Variants in RASSF6 observed in about 807,000 individuals in gnomAD.
RASSF6 encodes ras association domain-containing protein 6.
In RASSF6, 52 loss-of-function variants were observed where a neutral mutation model predicts 44.0. The ratio of observed to expected loss-of-function variants is 1.18; its 90% CI spans 0.95 to 1.49. RASSF6 has a LOEUF of 1.49. Among genes scored for constraint, RASSF6 ranks in the 40% most tolerant of loss-of-function variants. The pLI is 0.00. For synonymous variants in RASSF6, 162 were observed against 124.6 expected, an observed-to-expected ratio of 1.30 and a Z score of -2.00; for missense variants, 464 against 393.3, an observed-to-expected ratio of 1.18 and a Z score of -1.52.
chr4:73,590,408 C>A (rs564947343), intron 4 of RASSF6, among the ~76,000 whole-genome samples: 3 of 152,284 alleles, frequency 2.0e-5, no homozygotes, highest in East Asian at 3.9e-4. Context: ...CCTGCAAGAG[C>A]AGAGGTGTAA....
rs1409709986 is a variant in RASSF6 at position 73,620,229 on chromosome 4, C to T, written c.-35+59G>A. The T allele has an allele frequency of 5.3e-5, 61 of 1,147,308 alleles. No individual in the cohort carries two copies. The South Asian group carries it at 1.1e-3, about 20-fold the overall frequency. The allele number at this position is 1,147,308 out of a possible 1,614,324, so 71.1% of individuals were successfully genotyped here. A position where few individuals can be genotyped will look rare whatever the true frequency, so the allele number is the denominator to read the frequency against. On this transcript the variant is annotated intron_variant, in intron 1 of 10. Transcript: ENST00000307439. Reference sequence around the variant, plus strand: ...TGGATTCTGCTTTCTAATAACTTGCCCTCAACATGACCCCAGGGAGTGGAT... The same window carrying T: ...TGGATTCTGCTTTCTAATAACTTGCTCTCAACATGACCCCAGGGAGTGGAT...
intron 2 of RASSF6, among the ~76,000 whole-genome samples, chr4:73,610,008 T>C (rs567940866): frequency 1.3e-5 from 2 of 152,228 alleles, no homozygotes; most frequent in South Asian, 4.2e-4. Context: ...AAGCAGGTGG[T>C]CCATGGACCT....
chr4:73,580,153 A>G (rs1021393658), intron 8 of RASSF6, among the ~76,000 whole-genome samples: 34 of 151,528 alleles, frequency 2.2e-4, no homozygotes, highest in South Asian at 2.1e-3. Context: ...ATAGTTTACT[A>G]AGAATGATGA....
intron 1 of RASSF6, among the ~76,000 whole-genome samples, chr4:73,616,326 G>A (rs1306137027): frequency 6.6e-6 from 1 of 151,548 alleles, no homozygotes; most frequent in Non-Finnish European, 1.5e-5. Context: ...AATTTCTCTT[G>A]CTTCTGAAAT....
At position 73,618,982 on chromosome 4, in the gene RASSF6, A is replaced by C. The variant is rs75071518; in HGVS notation, c.-35+1306T>G. On this transcript the variant is annotated intron_variant, in intron 1 of 10. Transcript: ENST00000307439. ...CACTTTCCTGTAATTTAAGCTTAAGAGGTAGAGACTGACAAAATACAAGTA... is the reference window on the plus strand; with the variant it reads ...CACTTTCCTGTAATTTAAGCTTAAGCGGTAGAGACTGACAAAATACAAGTA... 5.2e-3 allele frequency among the ~76,000 whole-genome samples: 788 copies of C among 152,306 alleles called. 10 individuals are homozygous for C. The highest frequency in any genetic ancestry group is 0.018 in the African/African-American group (751 of 41,576).
chr4:73,599,159 C>T (rs989113789), intron 2 of RASSF6, among the ~76,000 whole-genome samples: 56 of 152,208 alleles, frequency 3.7e-4, no homozygotes, highest in Non-Finnish European at 7.3e-4. Flanking sequence ...AATCTGTGTT[C>T]CCTTGTGTAA....
chr4:73,613,748 C>A (rs1255803566), intron 1 of RASSF6, among the ~76,000 whole-genome samples: 2 of 152,104 alleles, frequency 1.3e-5, no homozygotes, highest in African/African-American at 4.8e-5. Flanking sequence ...TGAGACAAAC[C>A]ATGAATAACA....
intron 9 of RASSF6, 28 bp from the exon 10 acceptor site, chr4:73,576,535 A>G: frequency 6.5e-7 from 1 of 1,548,248 alleles, no homozygotes; most frequent in Non-Finnish European, 8.8e-7. Context: ...GAAAAAAAAA[A>G]GAAAGCAGAA....
At chr4:73,590,444 G>A (rs543998324) in intron 4 of RASSF6, among the ~76,000 whole-genome samples, 1 of 152,148 alleles carries the variant, frequency 6.6e-6, no homozygotes, top group South Asian at 2.1e-4. Flanking sequence ...GCCCACTATG[G>A]GAAAAAGAAA....
chr4:73,614,170 A>G (rs1726197091), intron 1 of RASSF6, among the ~76,000 whole-genome samples: 1 of 152,220 alleles, frequency 6.6e-6, no homozygotes, highest in Non-Finnish European at 1.5e-5. Context: ...CTGTACCACT[A>G]ACATATTCCA....
At chr4:73,602,546 G>A (rs1725341457) in intron 2 of RASSF6, among the ~76,000 whole-genome samples, 1 of 151,598 alleles carries the variant, frequency 6.6e-6, no homozygotes, top group African/African-American at 2.4e-5. Flanking sequence ...AATATACACT[G>A]TTGCCTGTCA....
At chr4:73,594,403 C>A (rs182242527) in intron 3 of RASSF6, among the ~76,000 whole-genome samples, 10 of 152,258 alleles carry the variant, frequency 6.6e-5, no homozygotes, top group Non-Finnish European at 1.5e-5. Context: ...ACACTCAATT[C>A]TTATTTGAGA....
At chr4:73,580,207 A>G (rs1170276446) in intron 8 of RASSF6, among the ~76,000 whole-genome samples, 2 of 151,764 alleles carry the variant, frequency 1.3e-5, no homozygotes, top group African/African-American at 2.4e-5. Context: ...TGAACTCATC[A>G]TTTTTTATGG....
chr4:73,582,309 C>A lies in RASSF6; in HGVS notation c.568-19G>T. 1 of 1,302,162 alleles carries A rather than the reference C, an allele frequency of 7.7e-7. No individual in the cohort carries two copies. Among genetic ancestry groups the A allele is most frequent in the Non-Finnish European group, 1.1e-6 (1 of 919,566 alleles). 80.7% of individuals were successfully genotyped at this position (1,302,162 alleles called of 1,614,324 possible). A position where few individuals can be genotyped will look rare whatever the true frequency, so the allele number is the denominator to read the frequency against. On this transcript the variant is annotated intron_variant, in intron 6 of 10. Transcript: ENST00000307439. ...TTGATGTCTAGAAAAAGAATTGTCACATAAGTCTTTAAAATTATATTATAT... is the reference window on the plus strand; with the variant it reads ...TTGATGTCTAGAAAAAGAATTGTCAAATAAGTCTTTAAAATTATATTATAT...
In RASSF6 at chr4:73,593,543, TC is replaced by T. The variant is rs776228658; in HGVS notation, c.194del (p.Gly65GlufsTer2). On this transcript the variant is annotated frameshift_variant, in exon 4 of 11. Transcript: ENST00000307439. LOFTEE classifies it high-confidence loss of function. The part of the protein sequence containing the change: ...IVEGMLDIFW[G>X]VKRPIQLKIQ... Reference sequence around the variant, plus strand: ...TTTTTAGCTGTATAGGTCGTTTTACTCCCCAGAAAATGTCCAGCATTCCTTC... The same window carrying T: ...TTTTTAGCTGTATAGGTCGTTTTACTCCCAGAAAATGTCCAGCATTCCTTC... 69 of 1,613,558 alleles carry T rather than the reference TC, an allele frequency of 4.3e-5. No homozygotes were observed. The Admixed American group carries it at 1.2e-3, about 27-fold the overall frequency.
chr4:73,598,549 T>C (rs1001770271), intron 3 of RASSF6, 91 bp downstream of exon 3: 26 of 643,272 alleles, frequency 4.0e-5, no homozygotes, highest in Admixed American at 8.2e-5. Flanking sequence ...AGTTAAACTT[T>C]CACCTGTTTC....
At chr4:73,604,597 A>G (rs1412671285) in intron 2 of RASSF6, 3 of 152,232 alleles carry the variant, frequency 2.0e-5, no homozygotes, top group Non-Finnish European at 4.4e-5. Context: ...ACTGAGGAAG[A>G]AAAGGATAGT....
intron 6 of RASSF6, among the ~76,000 whole-genome samples, chr4:73,584,055 G>C (rs1308946976): frequency 6.6e-6 from 1 of 152,014 alleles, no homozygotes; most frequent in Non-Finnish European, 1.5e-5. Flanking sequence ...CTGTGAAGAG[G>C]GAAACAGGAC....
intron 6 of RASSF6, among the ~76,000 whole-genome samples, chr4:73,584,959 C>T (rs1271076958): frequency 6.6e-6 from 1 of 151,974 alleles, no homozygotes; most frequent in Non-Finnish European, 1.5e-5. Flanking sequence ...AATAATGGTA[C>T]CTATTTCATA....
Sources: gnomAD v4.1 joint callset for allele counts (sites outside exome capture counted in the v4.1 genomes callset) on GRCh38, gnomAD v4.1.1 for gene constraint, MANE v1.5 for transcripts, NCBI Gene and HGNC (gene_info 2026-07-23, HGNC 2026-07-21) for gene names.